The following PRKCB variants were observed in gnomAD, a reference collection of about 807,000 sequenced individuals.
PRKCB encodes protein kinase C beta.
Under a neutral mutation model 81.5 loss-of-function variants are expected in PRKCB, and 13 were observed. The ratio of observed to expected loss-of-function variants is 0.16; its 90% confidence interval spans 0.10 to 0.25. The LOEUF is 0.25. Among genes scored for constraint, PRKCB ranks in the 10% least tolerant of loss-of-function variants. The pLI is 1.00. For missense variants in PRKCB, 509 were observed against 875.7 expected (o/e 0.58, Z 5.29); for synonymous variants, 335 against 321.4 (o/e 1.04, Z -0.45).
At chr16:24,113,151 C>A in intron 8 of PRKCB, 82 bp downstream of exon 8, 3 of 979,392 alleles carry the variant, frequency 3.1e-6, no homozygotes, top group East Asian at 2.7e-5. Flanking sequence ...CTCTTTCTTT[C>A]TCTTTCTCTC....
intron 8 of PRKCB, 107 bp downstream of exon 8, chr16:24,113,176 C>A: frequency 1.3e-6 from 1 of 756,514 alleles, no homozygotes; most frequent in Non-Finnish European, 2.0e-6. Context: ...TCTTTTTTCT[C>A]TCCTTCCTTA....
intron 2 of PRKCB, among the ~76,000 whole-genome samples, chr16:23,908,407 C>T (rs927660037): frequency 6.6e-6 from 1 of 152,120 alleles, no homozygotes; most frequent in African/African-American, 2.4e-5. Flanking sequence ...CTGTGTGGAG[C>T]ATGTGGCACC....
Position 23,852,327 on chromosome 16 carries a change from G to A in PRKCB, c.205+14921G>A, listed in dbSNP as rs903783638. Among the ~76,000 whole-genome samples, 4 of 152,248 alleles carry A rather than the reference G, an allele frequency of 2.6e-5. No individual in the cohort carries two copies. The South Asian group carries it at 6.2e-4, about 24-fold the overall frequency. The stretch of plus-strand genomic sequence containing the variant: ...CTGAGTACTTTTTTCATGAAAGAAT[G>A]TTAATTTTTTTCAAGTGCTTTTTTT... On this transcript the variant is annotated intron_variant, in intron 2 of 16. Transcript: ENST00000643927.
At chr16:24,122,152 G>C (rs1445628972) in intron 8 of PRKCB, among the ~76,000 whole-genome samples, 4 of 152,200 alleles carry the variant, frequency 2.6e-5, no homozygotes, top group Non-Finnish European at 4.4e-5. Context: ...GGTGTTCAGG[G>C]AAGAGCCCTC....
intron 13 of PRKCB, among the ~76,000 whole-genome samples, chr16:24,183,462 T>C (rs934805713): frequency 6.6e-6 from 1 of 152,230 alleles, no homozygotes; most frequent in African/African-American, 2.4e-5. Flanking sequence ...AACTGAAATT[T>C]TGTATCCTGT....
At chr16:23,915,861 G>T (rs963509422) in intron 2 of PRKCB, among the ~76,000 whole-genome samples, 2 of 151,622 alleles carry the variant, frequency 1.3e-5, no homozygotes, top group African/African-American at 4.8e-5. Context: ...GAAAAAACTC[G>T]ATCGTTAACA....
intron 2 of PRKCB, among the ~76,000 whole-genome samples, chr16:23,961,029 C>G (rs1011088237): frequency 7.2e-5 from 11 of 152,034 alleles, no homozygotes; most frequent in African/African-American, 2.7e-4. Flanking sequence ...TTTCCTTTTT[C>G]ATTAATTGGC....
chr16:23,851,196 T>C (rs1229764911), intron 2 of PRKCB, among the ~76,000 whole-genome samples: 1 of 152,212 alleles, frequency 6.6e-6, no homozygotes, highest in Non-Finnish European at 1.5e-5. Context: ...CTTATGTTTT[T>C]CTCTAGCAGT....
In PRKCB at chr16:23,943,689, C is replaced by T. The variant is rs186405575; in HGVS notation, c.206-44819C>T. Among the ~76,000 whole-genome samples, 157 of 152,200 alleles carry T rather than the reference C, an allele frequency of 1.0e-3. 2 individuals carry two copies. Among genetic ancestry groups the T allele is most frequent in the African/African-American group, 3.3e-3 (138 of 41,522 alleles). On this transcript the variant is annotated intron_variant, in intron 2 of 16. Transcript: ENST00000643927. ...TTTTACGTAGGAAAAATGGTTGAGT[C>T]GAATGATTTAATTTTTTTACAAATC...
intron 16 of PRKCB, among the ~76,000 whole-genome samples, chr16:24,193,821 C>G (rs1347794912): frequency 6.6e-6 from 1 of 152,178 alleles, no homozygotes; most frequent in East Asian, 1.9e-4. Context: ...ACAGGCTCAG[C>G]TGATGTTCAC....
At chr16:24,057,061 G>A (rs1965911252) in intron 5 of PRKCB, among the ~76,000 whole-genome samples, 1 of 152,096 alleles carries the variant, frequency 6.6e-6, no homozygotes, top group Non-Finnish European at 1.5e-5. Context: ...TCTATGATCA[G>A]GGCTCAATAA....
At chr16:23,983,654 A>C (rs1964766524) in intron 2 of PRKCB, among the ~76,000 whole-genome samples, 1 of 152,096 alleles carries the variant, frequency 6.6e-6, no homozygotes, top group Non-Finnish European at 1.5e-5. Context: ...ACACTAGGAG[A>C]CTAGAGATGA....
At chr16:23,869,080 CA>C (rs757506713) in intron 2 of PRKCB, 3 of 453,564 alleles carry the variant, frequency 6.6e-6, no homozygotes, top group African/African-American at 4.0e-5. Context: ...ATACATTTCA[CA>C]CATGGCTATG....
chr16:24,012,180 T>C (rs1965212346), intron 3 of PRKCB, among the ~76,000 whole-genome samples: 1 of 152,232 alleles, frequency 6.6e-6, no homozygotes, highest in Non-Finnish European at 1.5e-5. Flanking sequence ...AATCCTATAG[T>C]GCCTCCTAAA....
Position 24,133,941 on chromosome 16 carries a change from G to C in PRKCB, c.1065+9960G>C, listed in dbSNP as rs1966857526. 2.0e-5 allele frequency among the ~76,000 whole-genome samples: 3 copies of C among 150,932 alleles called. No homozygotes were observed. The South Asian group carries it at 6.3e-4, about 32-fold the overall frequency. On this transcript the variant is annotated intron_variant, in intron 9 of 16. Transcript: ENST00000643927. ...ACAAGAGTCTCACTCTGTCACCCAG[G>C]CTGGAGTGCAGTGACGTGACCATGG...
At chr16:24,193,749 T>C (rs193038667) in intron 16 of PRKCB, among the ~76,000 whole-genome samples, 1 of 152,036 alleles carries the variant, frequency 6.6e-6, no homozygotes, top group Non-Finnish European at 1.5e-5. Flanking sequence ...GGAAGAGGGC[T>C]GGTGAGATAG....
intron 9 of PRKCB, among the ~76,000 whole-genome samples, chr16:24,145,890 T>A (rs1464620889): frequency 6.6e-6 from 1 of 152,224 alleles, no homozygotes; most frequent in South Asian, 2.1e-4. Context: ...TCGTAAACAA[T>A]GTATGTTCAA....
rs186365379 is a variant in PRKCB, at chr16:24,211,055, G to C, written c.1864-3603G>C. On this transcript the variant is annotated intron_variant, in intron 16 of 16. Coordinates refer to ENST00000643927, the MANE Select transcript of PRKCB (RefSeq NM_002738.7). ...ATTCTAACCACAGTGAGTTTACCGA[G>C]GGGTCATCCTTCTGTGGGAGCTTCC... 7.5e-3 allele frequency among the ~76,000 whole-genome samples: 1,141 copies of C among 152,222 alleles called. 20 individuals carry two copies. The highest frequency in any genetic ancestry group is 0.026 in the African/African-American group (1,070 of 41,516).
intron 16 of PRKCB, among the ~76,000 whole-genome samples, chr16:24,212,461 CTTTTTT>C (rs975667798): frequency 9.0e-5 from 7 of 78,058 alleles, no homozygotes; most frequent in East Asian, 4.5e-4. Flanking sequence ...CTTTTTTTTC[CTTTTTT>C]TTTTTTTTTT....
Sources: gnomAD v4.1 joint callset for allele counts (sites outside exome capture counted in the v4.1 genomes callset) on GRCh38, gnomAD v4.1.1 for gene constraint, MANE v1.5 for transcripts, NCBI Gene and HGNC (gene_info 2026-07-23, HGNC 2026-07-21) for gene names.